ZNF704: variants seen among roughly 807,000 people sequenced by gnomAD.
ZNF704 encodes the protein glucocorticoid induced gene 1.
A neutral mutation model predicts 44.7 loss-of-function variants in ZNF704; 10 were observed. That is an observed-to-expected ratio of 0.22 (90% CI 0.14 to 0.38). The LOEUF (loss-of-function observed/expected upper bound fraction) is 0.38, where lower values mean the gene tolerates loss of function less well. ZNF704 is among the 10% of genes least tolerant of loss of function. The pLI, the probability that ZNF704 is intolerant of heterozygous loss-of-function variation, is 1.00. For missense variants in ZNF704, 390 were observed against 545.5 expected, an observed-to-expected ratio of 0.71 and a Z score of 2.84; for synonymous variants, 211 against 207.6, an observed-to-expected ratio of 1.02 and a Z score of -0.14.
At chr8:80,858,695 CA>C (rs1281473430) in intron 1 of ZNF704, among the ~76,000 whole-genome samples, 1 of 149,406 alleles carries the variant, frequency 6.7e-6, no homozygotes, top group East Asian at 1.9e-4. Context: ...AAAAAAAAAA[CA>C]AAAAACAAAC....
chr8:80,791,518 G>C (rs1375047369), intron 2 of ZNF704, among the ~76,000 whole-genome samples: 1 of 152,216 alleles, frequency 6.6e-6, no homozygotes, highest in Non-Finnish European at 1.5e-5. Flanking sequence ...GGAGATAACT[G>C]CTGAATCTCA....
chr8:80,866,215 A>C (rs1809152302), intron 1 of ZNF704, among the ~76,000 whole-genome samples: 1 of 152,210 alleles, frequency 6.6e-6, no homozygotes, highest in Admixed American at 6.5e-5. Flanking sequence ...GTAGCTAAGA[A>C]AAGGCTTTGG....
intron 2 of ZNF704, among the ~76,000 whole-genome samples, chr8:80,722,923 G>A (rs1437082442): frequency 2.0e-5 from 3 of 152,234 alleles, no homozygotes; most frequent in African/African-American, 7.2e-5. Context: ...AGGAAGATCA[G>A]TGTTGGTGTA....
intron 2 of ZNF704, among the ~76,000 whole-genome samples, chr8:80,763,785 G>T (rs1329520629): frequency 6.6e-6 from 1 of 152,090 alleles, no homozygotes; most frequent in Non-Finnish European, 1.5e-5. Context: ...AAACTTTTAT[G>T]ATCTGTCACC....
chr8:80,873,263 G>T (rs941611638), intron 1 of ZNF704, among the ~76,000 whole-genome samples: 1 of 152,078 alleles, frequency 6.6e-6, no homozygotes, highest in African/African-American at 2.4e-5. Flanking sequence ...GGGGAGAAGC[G>T]CCCTTTCCCG....
chr8:80,877,369 T>C (rs1032597211), upstream of ZNF704, among the ~76,000 whole-genome samples: 7 of 152,076 alleles, frequency 4.6e-5, no homozygotes, highest in African/African-American at 1.7e-4. Context: ...CCTCATTAAA[T>C]CAGAGGACAC....
intron 7 of ZNF704, among the ~76,000 whole-genome samples, chr8:80,652,594 C>T (rs1290053816): frequency 1.3e-5 from 2 of 151,938 alleles, no homozygotes; most frequent in South Asian, 2.1e-4. Context: ...CCTCGACACA[C>T]ACACCCTCCC....
chr8:80,768,003 A>T (rs1018262144), intron 2 of ZNF704, among the ~76,000 whole-genome samples: 1 of 152,186 alleles, frequency 6.6e-6, no homozygotes, highest in Non-Finnish European at 1.5e-5. Context: ...AAAGGCATAG[A>T]TGTCTTTGGA....
At chr8:80,678,244 A>G (rs1818400418) in intron 4 of ZNF704, among the ~76,000 whole-genome samples, 1 of 152,174 alleles carries the variant, frequency 6.6e-6, no homozygotes, top group African/African-American at 2.4e-5. Context: ...ATGTGGACTC[A>G]GAAACATAAT....
intron 2 of ZNF704, among the ~76,000 whole-genome samples, chr8:80,786,129 G>A (rs957052678): frequency 2.6e-5 from 4 of 152,102 alleles, no homozygotes; most frequent in African/African-American, 9.7e-5. Flanking sequence ...CAGGCATGGT[G>A]ACATACACCT....
chr8:80,699,928 G>T (rs78582116), intron 2 of ZNF704, among the ~76,000 whole-genome samples: 2,669 of 152,142 alleles, frequency 0.018, 78 homozygotes, highest in African/African-American at 0.061. Context: ...GCTCTCCCTT[G>T]TAGGTCACTC....
chr8:80,843,006 A>G (rs1177129225), intron 1 of ZNF704, among the ~76,000 whole-genome samples: 1 of 152,228 alleles, frequency 6.6e-6, no homozygotes, highest in Non-Finnish European at 1.5e-5. Flanking sequence ...TCAAGAGGTG[A>G]GTCAAAAGAC....
intron 1 of ZNF704, among the ~76,000 whole-genome samples, chr8:80,864,024 G>A (rs1290773219): frequency 6.6e-6 from 1 of 152,094 alleles, no homozygotes; most frequent in Non-Finnish European, 1.5e-5. Context: ...CTGATTTATT[G>A]AGAAAGGTAG....
chr8:80,776,134 G>A (rs184177981), intron 2 of ZNF704, among the ~76,000 whole-genome samples: 1 of 151,664 alleles, frequency 6.6e-6, no homozygotes, highest in Admixed American at 6.6e-5. Context: ...CTCACTTGCA[G>A]TGTTTCACTT....
intron 2 of ZNF704, among the ~76,000 whole-genome samples, chr8:80,775,586 T>C (rs1807397641): frequency 6.6e-6 from 1 of 152,224 alleles, no homozygotes; most frequent in Non-Finnish European, 1.5e-5. Context: ...AGGTAAAAGT[T>C]TTAGAACAGT....
At chr8:80,839,436 A>G (rs1312575459) in intron 1 of ZNF704, among the ~76,000 whole-genome samples, 1 of 152,264 alleles carries the variant, frequency 6.6e-6, no homozygotes, top group Non-Finnish European at 1.5e-5. Flanking sequence ...TTTAACTTGT[A>G]TTGTGCTAAT....
chr8:80,863,332 C>T (rs896356130), intron 1 of ZNF704, among the ~76,000 whole-genome samples: 4 of 152,178 alleles, frequency 2.6e-5, no homozygotes, highest in Admixed American at 2.0e-4. Flanking sequence ...GCATTTATGA[C>T]AACCTATGAA....
chr8:80,841,829 G>C lies in ZNF704; in HGVS notation c.-21-20214C>G, dbSNP rs112069150. ...TCTAGAGAAAGGGTCTCGCTCTGTT[G>C]CCCAGGCTGGAATGCAGTGGCATGA... On this transcript the variant is annotated intron_variant, in intron 1 of 8. Transcript: ENST00000327835. 3.5e-3 allele frequency among the ~76,000 whole-genome samples: 529 copies of C among 152,118 alleles called. 2 individuals are homozygous for C. Among genetic ancestry groups the C allele is most frequent in the African/African-American group, 0.012 (513 of 41,488 alleles).
At chr8:80,767,716 T>C (rs1384453068) in intron 2 of ZNF704, among the ~76,000 whole-genome samples, 2 of 152,236 alleles carry the variant, frequency 1.3e-5, no homozygotes, top group African/African-American at 2.4e-5. Context: ...GTTGTTAATA[T>C]GTTAATCAAT....
Sources: allele counts gnomAD v4.1 joint callset (sites outside exome capture counted in the v4.1 genomes callset), GRCh38; gene constraint gnomAD v4.1.1; transcripts MANE v1.5; gene names NCBI Gene and HGNC (gene_info 2026-07-23, HGNC 2026-07-21).